The following WASF3 variants were observed in gnomAD, a reference collection of about 807,000 sequenced individuals.
The protein encoded by WASF3 is WASP family member 3.
In WASF3, 11 loss-of-function variants were observed where a neutral mutation model predicts 46.6. The ratio of observed to expected loss-of-function variants is 0.24; its 90% CI spans 0.15 to 0.39. The LOEUF is 0.39. Ranked by LOEUF, WASF3 falls within the 10% of genes least tolerant of loss-of-function variation. The pLI, the probability that WASF3 is intolerant of heterozygous loss-of-function variation, is 1.00. For missense variants in WASF3, 576 were observed against 669.8 expected (o/e 0.86, Z 1.55); for synonymous variants, 242 against 259.7 (o/e 0.93, Z 0.65).
intron 7 of WASF3, among the ~76,000 whole-genome samples, chr13:26,678,220 CTCA>C (rs1883122478): frequency 6.6e-6 from 1 of 152,064 alleles, no homozygotes; most frequent in Admixed American, 6.6e-5. Context: ...TAGATTATAA[CTCA>C]TCATTGTATT....
intron 3 of WASF3, among the ~76,000 whole-genome samples, chr13:26,646,662 A>G (rs1882159229): frequency 6.6e-6 from 1 of 152,110 alleles, no homozygotes; most frequent in Non-Finnish European, 1.5e-5. Flanking sequence ...TTCTCTACAT[A>G]TGTATCTTAG....
intron 2 of WASF3, among the ~76,000 whole-genome samples, chr13:26,635,105 C>T (rs1360940881): frequency 6.6e-6 from 1 of 152,208 alleles, no homozygotes; most frequent in African/African-American, 2.4e-5. Flanking sequence ...TCCATTCTCC[C>T]TGTTACTTTC....
intron 5 of WASF3, among the ~76,000 whole-genome samples, chr13:26,670,628 G>A (rs1882903822): frequency 6.6e-6 from 1 of 152,182 alleles, no homozygotes; most frequent in South Asian, 2.1e-4. Flanking sequence ...CTTAAATTTT[G>A]CAGCTTTTTC....
intron 3 of WASF3, among the ~76,000 whole-genome samples, chr13:26,655,338 G>A (rs1182292093): frequency 6.6e-6 from 1 of 152,152 alleles, no homozygotes; most frequent in Non-Finnish European, 1.5e-5. Flanking sequence ...CTGGATTTAA[G>A]ATATTGAAAG....
intron 1 of WASF3, among the ~76,000 whole-genome samples, chr13:26,558,604 C>T (rs539654186): frequency 2.0e-5 from 3 of 152,130 alleles, no homozygotes; most frequent in African/African-American, 4.8e-5. Context: ...CTTGATTTGG[C>T]CCCTCTGCAA....
chr13:26,547,901 T>C, the WASF3 span, among the ~76,000 whole-genome samples: 1 of 152,138 alleles, frequency 6.6e-6, no homozygotes, highest in Non-Finnish European at 1.5e-5. Context: ...GCCTGTTGGG[T>C]GAGTTAATAC....
At chr13:26,597,388 GC>G (rs1880501167) in intron 1 of WASF3, among the ~76,000 whole-genome samples, 1 of 152,192 alleles carries the variant, frequency 6.6e-6, no homozygotes, top group East Asian at 1.9e-4. Flanking sequence ...GCCCGCCTGG[GC>G]CTCCGAAAGT....
intron 3 of WASF3, among the ~76,000 whole-genome samples, chr13:26,663,300 TTAGA>T (rs2137461322): frequency 7.2e-6 from 1 of 139,750 alleles, no homozygotes; most frequent in African/African-American, 3.4e-5. Context: ...CAGTAGCTAG[TTAGA>T]TAACAAGTCT....
intron 1 of WASF3, among the ~76,000 whole-genome samples, chr13:26,602,645 C>T (rs1880674867): frequency 6.6e-6 from 1 of 152,062 alleles, no homozygotes; most frequent in African/African-American, 2.4e-5. Flanking sequence ...ATACTTTATC[C>T]TCAGAGAGAG....
rs143347140 is a variant in WASF3 at position 26,557,689 on chromosome 13, G to T, written c.-239G>T. On this transcript the variant is annotated 5_prime_UTR_variant, in exon 1 of 10. Coordinates refer to ENST00000335327, the MANE Select transcript of WASF3 (RefSeq NM_006646.6). Reference sequence around the variant, plus strand: ...AGGGGGCGTGGCCGCGGCCGTGGACGGGCCGGAGGCGGCGTCGCTCGCGCC... The same window carrying T: ...AGGGGGCGTGGCCGCGGCCGTGGACTGGCCGGAGGCGGCGTCGCTCGCGCC... 0.099 allele frequency: 16,372 copies of T among 165,098 alleles called. 1,063 individuals carry two copies. Among genetic ancestry groups the T allele is most frequent in the Admixed American group, 0.18 (2,765 of 15,698 alleles). 10.2% of individuals were successfully genotyped at this position (165,098 alleles called of 1,614,324 possible). A position where few individuals can be genotyped will look rare whatever the true frequency, so the allele number is the denominator to read the frequency against.
At chr13:26,575,032 T>C (rs1879752215) in intron 1 of WASF3, among the ~76,000 whole-genome samples, 1 of 152,132 alleles carries the variant, frequency 6.6e-6, no homozygotes, top group African/African-American at 2.4e-5. Flanking sequence ...GAGACGGGGT[T>C]ACACTGTGTT....
chr13:26,667,664 CA>C lies in WASF3; in HGVS notation c.417del (p.Tyr140ThrfsTer9). 6.2e-7 allele frequency: 1 copy of C among 1,613,848 alleles called. No individual in the cohort carries two copies. Among genetic ancestry groups the C allele is most frequent in the Non-Finnish European group, 8.5e-7 (1 of 1,179,914 alleles). On this transcript the variant is annotated frameshift_variant, in exon 5 of 10. Coordinates refer to ENST00000335327, the MANE Select transcript of WASF3 (RefSeq NM_006646.6). LOFTEE classifies it high-confidence loss of function. The stretch of plus-strand genomic sequence containing the variant: ...CCACCGCCTCTGAACATCCTGACAC[CA>C]TACAGGTATAGCTTCATGAGTCCCA... ...DKPPPLNILT[P>X]YRDDKKDGLK...
chr13:26,584,734 A>T (rs1880080869), intron 1 of WASF3, among the ~76,000 whole-genome samples: 1 of 152,224 alleles, frequency 6.6e-6, no homozygotes, highest in African/African-American at 2.4e-5. Context: ...AGGATGTGAG[A>T]TAATTATTCA....
chr13:26,615,621 T>G (rs1337101963), intron 2 of WASF3, among the ~76,000 whole-genome samples: 2 of 152,204 alleles, frequency 1.3e-5, no homozygotes, highest in East Asian at 1.9e-4. Context: ...GATTCATTTT[T>G]AAACTGCTTT....
intron 9 of WASF3, among the ~76,000 whole-genome samples, chr13:26,684,432 A>G (rs555409865): frequency 2.7e-5 from 4 of 148,710 alleles, no homozygotes; most frequent in Non-Finnish European, 5.9e-5. Context: ...AAACACAAAG[A>G]CTGTGAAGAA....
rs556806003 is a variant in WASF3 at position 26,560,791 on chromosome 13, C to T, written c.-109+2972C>T. ...TAAACAAGACAGATACCTCTGTCAG[C>T]CCCCGATGAGCTTGCTGTGCAGTTC... On this transcript the variant is annotated intron_variant, in intron 1 of 9. Coordinates refer to ENST00000335327, the MANE Select transcript of WASF3 (RefSeq NM_006646.6). Among the ~76,000 whole-genome samples, 3 of 152,328 alleles carry T rather than the reference C, an allele frequency of 2.0e-5. No individual in the cohort carries two copies. In the East Asian group the frequency reaches 5.8e-4, roughly 29 times the overall value.
chr13:26,660,218 T>G (rs1882588705), intron 3 of WASF3, among the ~76,000 whole-genome samples: 2 of 134,764 alleles, frequency 1.5e-5, no homozygotes, highest in Non-Finnish European at 1.6e-5. Context: ...TTTTTTTTTT[T>G]TTTTTTTTTT....
chr13:26,634,955 A>T (rs1427273126), intron 2 of WASF3, among the ~76,000 whole-genome samples: 2 of 152,090 alleles, frequency 1.3e-5, no homozygotes, highest in African/African-American at 4.8e-5. Context: ...GAATCTGACA[A>T]TTATGTGTCT....
intron 3 of WASF3, among the ~76,000 whole-genome samples, chr13:26,648,553 A>G (rs896358644): frequency 3.9e-5 from 6 of 152,106 alleles, no homozygotes; most frequent in African/African-American, 1.4e-4. Flanking sequence ...TTTTTTGGGG[A>G]GGTGAGGAAG....
Sources: gnomAD v4.1 joint callset for allele counts (sites outside exome capture counted in the v4.1 genomes callset) on GRCh38, gnomAD v4.1.1 for gene constraint, MANE v1.5 for transcripts, NCBI Gene and HGNC (gene_info 2026-07-23, HGNC 2026-07-21) for gene names.